ESR1: variants seen among roughly 807,000 people sequenced by gnomAD.
ESR1 encodes the protein estrogen receptor 1, also known as estrogen receptor.
In ESR1, 12 loss-of-function variants were observed where a neutral mutation model predicts 52.7. That is an observed-to-expected ratio of 0.23 (90% CI 0.15 to 0.37). The LOEUF (loss-of-function observed/expected upper bound fraction) is 0.37. Ranked by LOEUF, ESR1 falls within the 10% of genes least tolerant of loss-of-function variation. The pLI is 1.00. For synonymous variants in ESR1, 305 were observed against 316.8 expected (o/e 0.96, Z 0.39); for missense variants, 584 against 779.7 (o/e 0.75, Z 2.99).
At chr6:151,946,165 G>C (rs1397855142) in intron 4 of ESR1, among the ~76,000 whole-genome samples, 1 of 152,162 alleles carries the variant, frequency 6.6e-6, no homozygotes, top group Admixed American at 6.5e-5. Flanking sequence ...TATAGGGAAA[G>C]AGAAACAAAC....
chr6:151,842,104 G>T (rs1319243542), intron 1 of ESR1, among the ~76,000 whole-genome samples: 1 of 152,162 alleles, frequency 6.6e-6, no homozygotes, highest in African/African-American at 2.4e-5. Flanking sequence ...CTGATATCCA[G>T]GGTTATGTGG....
intron 3 of ESR1, among the ~76,000 whole-genome samples, chr6:151,899,360 C>G (rs1267540863): frequency 8.5e-6 from 1 of 117,832 alleles, no homozygotes; most frequent in Non-Finnish European, 1.7e-5. Context: ...CTGACCCCCC[C>G]ACCTCCTTCC....
chr6:151,911,080 G>A (rs539028977), intron 3 of ESR1, among the ~76,000 whole-genome samples: 3 of 152,178 alleles, frequency 2.0e-5, no homozygotes, highest in Non-Finnish European at 2.9e-5. Context: ...AGTAATGCTC[G>A]CTCACTGCTC....
intron 2 of ESR1, among the ~76,000 whole-genome samples, chr6:151,743,092 G>A (rs764394025): frequency 6.6e-6 from 1 of 152,192 alleles, no homozygotes; most frequent in Admixed American, 6.5e-5. Context: ...TGCCAAGAAA[G>A]CTCCCCAGGG....
At chr6:152,115,810 A>G (rs1291309405) in intron 6 of ESR1, among the ~76,000 whole-genome samples, 1 of 152,224 alleles carries the variant, frequency 6.6e-6, no homozygotes, top group African/African-American at 2.4e-5. Flanking sequence ...TTTAAAAACA[A>G]TGAGCTACTG....
At chr6:151,988,935 G>A (rs1200231959) in intron 4 of ESR1, among the ~76,000 whole-genome samples, 1 of 151,978 alleles carries the variant, frequency 6.6e-6, no homozygotes, top group African/African-American at 2.4e-5. Context: ...GATGATAAAG[G>A]CACTTTTTAA....
At chr6:151,803,659 G>A (rs146871262), upstream of ESR1, among the ~76,000 whole-genome samples, 67 of 152,276 alleles carry the variant, frequency 4.4e-4, no homozygotes, top group African/African-American at 1.3e-3. Flanking sequence ...GGAGGAAAGG[G>A]CAGAGTGGTC....
chr6:151,931,194 T>A (rs2033548627), intron 3 of ESR1, among the ~76,000 whole-genome samples: 1 of 152,180 alleles, frequency 6.6e-6, no homozygotes, highest in Admixed American at 6.5e-5. Context: ...ATGCTTGTTA[T>A]ACCTTTTGCT....
chr6:151,874,995 A>C (rs985644018), intron 2 of ESR1, among the ~76,000 whole-genome samples: 2 of 152,266 alleles, frequency 1.3e-5, no homozygotes, highest in Non-Finnish European at 2.9e-5. Context: ...GGAAAATGGC[A>C]TTTTAATTCA....
intron 2 of ESR1, among the ~76,000 whole-genome samples, chr6:151,713,138 A>T (rs1335920006): frequency 1.3e-5 from 2 of 152,090 alleles, no homozygotes; most frequent in Non-Finnish European, 2.9e-5. Context: ...GATGGATTAC[A>T]TTTACTGATT....
Position 151,975,650 on chromosome 6 carries a change from G to A in ESR1, c.1096+31142G>A, listed in dbSNP as rs572385411. ...TTGCTCTTAAAGCTTTCAATTGATT[G>A]GATGAGGCCTACACACATTATGGAG... On this transcript the variant is annotated intron_variant, in intron 4 of 7. Coordinates refer to ENST00000206249, the MANE Select transcript of ESR1 (RefSeq NM_000125.4). Among the ~76,000 whole-genome samples, 94 of 152,224 alleles carry A rather than the reference G, an allele frequency of 6.2e-4. 1 individual carries two copies. Among genetic ancestry groups the A allele is most frequent in the African/African-American group, 2.1e-3 (88 of 41,530 alleles).
At chr6:151,854,839 A>G (rs2128268676) in intron 2 of ESR1, among the ~76,000 whole-genome samples, 1 of 152,348 alleles carries the variant, frequency 6.6e-6, no homozygotes, top group Non-Finnish European at 1.5e-5. Context: ...TAGTTCATAA[A>G]ATAGTATAAA....
In ESR1 at chr6:152,099,860, T is replaced by C; in HGVS notation, c.*894T>C. The C allele has an allele frequency of 5.0e-6, 2 of 397,026 alleles. No individual in the cohort carries two copies. The highest frequency in any genetic ancestry group is 8.9e-6 in the Non-Finnish European group (2 of 225,538). The allele number at this position is 397,026 out of a possible 1,614,324, so 24.6% of individuals were successfully genotyped here. ...TGTTCCAGTGGGCACTGTACTTGGA[T>C]CTTCCCGGCGTGTGTGTGCCTTACA... On this transcript the variant is annotated 3_prime_UTR_variant, in exon 8 of 8. Coordinates refer to ENST00000206249, the MANE Select transcript of ESR1 (RefSeq NM_000125.4).
chr6:152,119,664 T>C (rs2051253603), intron 6 of ESR1, among the ~76,000 whole-genome samples: 1 of 152,230 alleles, frequency 6.6e-6, no homozygotes, highest in Non-Finnish European at 1.5e-5. Context: ...CTGTCCTCAC[T>C]GCAGAAATGG....
chr6:151,956,863 A>ATATATATATATATAT (rs1175773832), intron 4 of ESR1, among the ~76,000 whole-genome samples: 2 of 53,904 alleles, frequency 3.7e-5, no homozygotes, highest in African/African-American at 9.6e-5. Context: ...TATATATATA[A>ATATATATATATATAT]ATATATATAT....
At chr6:151,672,843 T>C (rs1320307624) in intron 1 of ESR1, among the ~76,000 whole-genome samples, 2 of 150,924 alleles carry the variant, frequency 1.3e-5, no homozygotes, top group Non-Finnish European at 3.0e-5. Context: ...TTTTTTTTTT[T>C]TTTGAGATGG....
At chr6:152,104,677 T>C (rs1469620805), downstream of ESR1, among the ~76,000 whole-genome samples, 1 of 152,192 alleles carries the variant, frequency 6.6e-6, no homozygotes, top group African/African-American at 2.4e-5. Context: ...ACAGGGGTGC[T>C]AGGAGGCTCT....
intron 1 of ESR1, among the ~76,000 whole-genome samples, chr6:151,690,861 G>A (rs940675826): frequency 6.6e-6 from 1 of 152,136 alleles, no homozygotes; most frequent in Non-Finnish European, 1.5e-5. Flanking sequence ...TCTAAACTTG[G>A]TACAGTGGAA....
rs190319286 is a variant in ESR1, at chr6:151,725,379, G to A, written c.-71+23374G>A. Among the ~76,000 whole-genome samples the A allele has an allele frequency of 4.0e-3, 607 of 152,218 alleles. 5 individuals are homozygous for A. Among genetic ancestry groups the A allele is most frequent in the Admixed American group, 0.01 (153 of 15,294 alleles). ...CCCTCTAGTATTGTAATACTTCAAG[G>A]ACATAGAATTTATTTTTTAAAGTCT... is the stretch of plus-strand genomic sequence containing the variant. On this transcript the variant is annotated intron_variant, in intron 2 of 2. Coordinates refer to the ESR1 transcript ENST00000404742.
Sources: allele counts gnomAD v4.1 joint callset (sites outside exome capture counted in the v4.1 genomes callset), GRCh38; gene constraint gnomAD v4.1.1; transcripts MANE v1.5; gene names NCBI Gene and HGNC (gene_info 2026-07-23, HGNC 2026-07-21).